KCNK4: variants seen among roughly 807,000 people sequenced by gnomAD.
KCNK4 encodes potassium channel subfamily K member 4.
Under a neutral mutation model 28.8 loss-of-function variants are expected in KCNK4, and 22 were observed. The ratio of observed to expected loss-of-function variants is 0.76; its 90% CI spans 0.55 to 1.09. The LOEUF is 1.09. Ranked by LOEUF, KCNK4 falls within the 50% of genes least tolerant of loss-of-function variation. The pLI is 0.00. For synonymous variants in KCNK4, 263 were observed against 252.9 expected, an observed-to-expected ratio of 1.04 and a Z score of -0.38; for missense variants, 483 against 546.3, an observed-to-expected ratio of 0.88 and a Z score of 1.15.
intron 1 of KCNK4, chr11:64,292,134 G>C (rs1266568162): frequency 3.0e-6 from 3 of 989,132 alleles, no homozygotes; most frequent in Non-Finnish European, 3.6e-6. Context: ...TGCGTGCAGC[G>C]GGGCGGCGCG....
chr11:64,297,626 AC>A lies in KCNK4; in HGVS notation c.636del (p.Val213TrpfsTer47). Reference protein sequence around the residue: ...AIYFVIVTLTTVGFGDYVAGA... With the variant: ...AIYFVIVTLTXVGFGDYVAGA... ...CTACTTTGTCATAGTGACGCTTACC[AC>A]CGTGGGCTTTGGCGACTATGTGGCC... On this transcript the variant is annotated frameshift_variant, in exon 5 of 7. Coordinates refer to ENST00000422670, the MANE Select transcript of KCNK4 (RefSeq NM_033310.3). LOFTEE classifies it high-confidence loss of function. 1 of 1,612,280 alleles carries A rather than the reference AC, an allele frequency of 6.2e-7. No homozygotes were observed. The highest frequency in any genetic ancestry group is 8.5e-7 in the Non-Finnish European group (1 of 1,178,566).
At chr11:64,292,350 C>T (rs2034652059) in intron 1 of KCNK4, among the ~76,000 whole-genome samples, 1 of 152,122 alleles carries the variant, frequency 6.6e-6, no homozygotes, top group Non-Finnish European at 1.5e-5. Context: ...CCCTCCTCGC[C>T]TGGGTGCGGC....
chr11:64,293,320 G>C, intron 2 of KCNK4, 113 bp downstream of exon 2: 1 of 1,188,360 alleles, frequency 8.4e-7, no homozygotes, highest in Non-Finnish European at 1.1e-6. Context: ...CCTGAGGACG[G>C]GTGCAGTGGG....
intron 2 of KCNK4, among the ~76,000 whole-genome samples, chr11:64,296,620 G>A (rs1196241179): frequency 6.6e-6 from 1 of 152,058 alleles, no homozygotes; most frequent in Non-Finnish European, 1.5e-5. Context: ...TGGTAAAAGT[G>A]GAAATTTGTT....
Position 64,298,166 on chromosome 11 carries a change from C to T in KCNK4, c.718C>T (p.Leu240=), listed in dbSNP as rs1180041177. 1 of 1,613,902 alleles carries T rather than the reference C, an allele frequency of 6.2e-7. No individual in the cohort carries two copies. The highest frequency in any genetic ancestry group is 8.5e-7 in the Non-Finnish European group (1 of 1,180,026). Reference sequence around the variant, plus strand: ...TCAGCCGCTGGTGTGGTTCTGGATCCTGCTCGGCCTGGCTTACTTCGCCTC... The same window carrying T: ...TCAGCCGCTGGTGTGGTTCTGGATCTTGCTCGGCCTGGCTTACTTCGCCTC... ...AYQPLVWFWI[L]LGLAYFASVL... The change falls in exon 6 of 7, where the codon CTG becomes TTG. Residue 240 remains leucine (L), a synonymous_variant. Transcript: ENST00000422670.
In KCNK4 at chr11:64,297,052, G is replaced by A. The variant is rs751056054; in HGVS notation, c.313+51G>A. ...GGGCGGCAAGGAGCTTCCTCATGGG[G>A]GAAGGTGCAGGGAGACGGAGGGGTC... On this transcript the variant is annotated intron_variant, in intron 3 of 6. Transcript: ENST00000422670. 21 of 1,597,824 alleles carry A rather than the reference G, an allele frequency of 1.3e-5. No homozygotes were observed. In the African/African-American group the frequency reaches 2.7e-4, roughly 20 times the overall value.
In KCNK4 at chr11:64,292,972, G is replaced by A. The variant is rs778681600; in HGVS notation, c.-47G>A. The A allele has an allele frequency of 3.3e-6, 5 of 1,501,336 alleles. No homozygotes were observed. Among genetic ancestry groups the A allele is most frequent in the Non-Finnish European group, 3.5e-6 (4 of 1,128,076 alleles). 93.0% of individuals were successfully genotyped at this position (1,501,336 alleles called of 1,614,324 possible). On this transcript the variant is annotated 5_prime_UTR_variant, in exon 2 of 7. Coordinates refer to ENST00000422670, the MANE Select transcript of KCNK4 (RefSeq NM_033310.3). Reference sequence around the variant, plus strand: ...ACAGCTCCCCAGGAGCCCCCCGCCCGGCCCCTCCAGGCGGGCAGTGGAGCT... The same window carrying A: ...ACAGCTCCCCAGGAGCCCCCCGCCCAGCCCCTCCAGGCGGGCAGTGGAGCT...
intron 1 of KCNK4, chr11:64,292,016 G>A: frequency 1.7e-6 from 2 of 1,185,352 alleles, no homozygotes; most frequent in Admixed American, 3.5e-5. Flanking sequence ...GCGTGTGCAC[G>A]CTAGTGTCCA....
At chr11:64,293,722 T>C (rs1197538285) in intron 2 of KCNK4, among the ~76,000 whole-genome samples, 1 of 152,090 alleles carries the variant, frequency 6.6e-6, no homozygotes, top group Non-Finnish European at 1.5e-5. Context: ...TGCCTCAGCC[T>C]CCCAAGCAGC....
In KCNK4 at chr11:64,296,988, C is replaced by T. The variant is rs763746881; in HGVS notation, c.300C>T (p.Ile100=). Residue 100 remains isoleucine, a synonymous_variant, in exon 3 of 7, where the codon ATC becomes ATT. Transcript: ENST00000422670. ...LGSAFFFSGT[I]ITTIGYGNVA... ...GCGCCTTCTTTTTCTCAGGGACCAT[C>T]ATCACCACCATCGGTGGGGGAGGGG... The T allele has an allele frequency of 2.0e-6, 3 of 1,536,904 alleles. No individual in the cohort carries two copies. The highest frequency in any genetic ancestry group is 2.6e-6 in the Non-Finnish European group (3 of 1,142,616).
At chr11:64,296,819 GAGTTGCCCT>G (rs2034775661) in intron 2 of KCNK4, 50 bp from the exon 3 acceptor site, 1 of 1,467,194 alleles carries the variant, frequency 6.8e-7, no homozygotes, top group Non-Finnish European at 9.0e-7. Context: ...GAGGGGCCAC[GAGTTGCCCT>G]AGACAGGAGG....
intron 2 of KCNK4, 89 bp from the exon 3 acceptor site, chr11:64,296,789 A>C: frequency 7.4e-7 from 1 of 1,360,136 alleles, no homozygotes; most frequent in South Asian, 2.0e-5. Context: ...GGAGCAGGGA[A>C]GGAGCCACCC....
In KCNK4 at chr11:64,292,994, AGCTGGCCCGGC is replaced by A. The variant is rs1565367787; in HGVS notation, c.-22_-12del. 2 of 1,528,092 alleles carry A rather than the reference AGCTGGCCCGGC, an allele frequency of 1.3e-6. No individual in the cohort carries two copies. The highest frequency in any genetic ancestry group is 5.0e-5 in the East Asian group (2 of 40,228). 94.7% of individuals were successfully genotyped at this position (1,528,092 alleles called of 1,614,324 possible). ...CCCGGCCCCTCCAGGCGGGCAGTGG[AGCTGGCCCGGC>A]GCCTGGGCGCGCCATGCGCAGCACC... On this transcript the variant is annotated 5_prime_UTR_variant, in exon 2 of 7. Transcript: ENST00000422670.
Position 64,297,219 on chromosome 11 carries a change from C to T in KCNK4, c.414C>T (p.Val138=), listed in dbSNP as rs199730514. The change falls in exon 4 of 7, where the codon GTC becomes GTT. Residue 138 remains valine (V), a synonymous_variant. Transcript: ENST00000422670. ...TGTTTGGGATCCTACTGGCAGGGGT[C>T]GGGGACCGGCTGGGCTCCTCCCTGC... ...IPLFGILLAG[V]GDRLGSSLRH... is the part of the protein sequence containing the mutation. 4.9e-5 allele frequency: 79 copies of T among 1,613,994 alleles called. No homozygotes were observed. The highest frequency in any genetic ancestry group is 6.7e-5 in the Admixed American group (4 of 60,010).
rs1427397246 is a variant in KCNK4 at position 64,299,782 on chromosome 11, G to C, written c.*56G>C. 1 of 1,536,914 alleles carries C rather than the reference G, an allele frequency of 6.5e-7. No homozygotes were observed. Among genetic ancestry groups the C allele is most frequent in the Non-Finnish European group, 8.7e-7 (1 of 1,147,390 alleles). ...GCTTCGTTTCTGCTCTCCCCGGCAT[G>C]CCTGGCTTGTTTGACCAAAGAGCCC... is the stretch of plus-strand genomic sequence containing the variant. On this transcript the variant is annotated 3_prime_UTR_variant, in exon 7 of 7. Transcript: ENST00000422670.
chr11:64,297,359 C>T (rs1226630982), intron 4 of KCNK4, 80 bp downstream of exon 4: 1 of 1,574,226 alleles, frequency 6.4e-7, no homozygotes, highest in African/African-American at 1.3e-5. Context: ...TGAGCGCGCC[C>T]CCAAAGACCA....
rs201708231 is a variant in KCNK4, at chr11:64,298,282, C to T, written c.801+33C>T. The T allele has an allele frequency of 5.0e-6, 8 of 1,608,306 alleles. No homozygotes were observed. In the African/African-American group the frequency reaches 9.3e-5, roughly 19 times the overall value. On this transcript the variant is annotated intron_variant, in intron 6 of 6. Coordinates refer to ENST00000422670, the MANE Select transcript of KCNK4 (RefSeq NM_033310.3). ...CCCCAGGGTTGGCACTGTGCCTGCG[C>T]ACTGTGGTGCAAATGTGCTGTTCCC...
chr11:64,292,909 C>T, intron 1 of KCNK4, 33 bp from the exon 2 acceptor site: 1 of 1,438,538 alleles, frequency 7.0e-7, no homozygotes, highest in African/African-American at 1.4e-5. Context: ...CAGGCCAGCT[C>T]AGTGACCCCA....
At position 64,297,243 on chromosome 11, in the gene KCNK4, G is replaced by A. The variant is rs751544088; in HGVS notation, c.438G>A (p.Leu146=). 7 of 1,613,674 alleles carry A rather than the reference G, an allele frequency of 4.3e-6. No homozygotes were observed. Among genetic ancestry groups the A allele is most frequent in the Admixed American group, 1.7e-5 (1 of 59,982 alleles). The change falls in exon 4 of 7, where the codon CTG becomes CTA. Residue 146 remains leucine (L), a synonymous_variant. Coordinates refer to ENST00000422670, the MANE Select transcript of KCNK4 (RefSeq NM_033310.3). The stretch of plus-strand genomic sequence containing the variant: ...TCGGGGACCGGCTGGGCTCCTCCCT[G>A]CGCCATGGCATCGGTCACATTGAAG... The part of the protein sequence containing the change: ...AGVGDRLGSS[L]RHGIGHIEAI...
Sources: allele counts gnomAD v4.1 joint callset (sites outside exome capture counted in the v4.1 genomes callset), GRCh38; gene constraint gnomAD v4.1.1; transcripts MANE v1.5; gene names NCBI Gene and HGNC (gene_info 2026-07-23, HGNC 2026-07-21).